The following SHANK2 variants were observed in gnomAD, a reference collection of about 807,000 sequenced individuals.
SHANK2 encodes SH3 and multiple ankyrin repeat domains 2, also known as SH3 and multiple ankyrin repeat domains protein 2.
A neutral mutation model predicts 133.7 loss-of-function variants in SHANK2; 43 were observed. The observed-to-expected ratio is 0.32, with a 90% CI of 0.25 to 0.41. The LOEUF is 0.41. SHANK2 is among the 10% of genes least tolerant of loss of function. The pLI, the probability that SHANK2 is intolerant of heterozygous loss-of-function variation, is 1.00. For missense variants in SHANK2, 1,994 were observed against 2,235.8 expected (o/e 0.89, Z 2.18); for synonymous variants, 1,017 against 952.8 (o/e 1.07, Z -1.24).
chr11:70,712,665 C>A (rs1945815410), intron 14 of SHANK2, among the ~76,000 whole-genome samples: 3 of 152,252 alleles, frequency 2.0e-5, no homozygotes, highest in African/African-American at 7.2e-5. Flanking sequence ...CCTGGAGACT[C>A]CTCCTGCAAT....
At chr11:70,708,818 C>T (rs532134016) in intron 14 of SHANK2, among the ~76,000 whole-genome samples, 23 of 152,294 alleles carry the variant, frequency 1.5e-4, no homozygotes, top group African/African-American at 4.8e-4. Context: ...ACAGATGCCA[C>T]GGGAGAGTGG....
chr11:70,915,800 G>A (rs782454798), intron 10 of SHANK2, among the ~76,000 whole-genome samples: 24 of 152,196 alleles, frequency 1.6e-4, no homozygotes, highest in Admixed American at 3.9e-4. Context: ...AGAAAGATGC[G>A]TTGCTCAGTC....
chr11:70,658,248 C>G (rs868971350), intron 17 of SHANK2, among the ~76,000 whole-genome samples: 45 of 117,886 alleles, frequency 3.8e-4, no homozygotes, highest in Middle Eastern at 8.0e-3. Flanking sequence ...CACACACAGA[C>G]ACACACACAC....
At position 71,118,472 on chromosome 11, in the gene SHANK2, C is replaced by G. The variant is rs575722025; in HGVS notation, c.411+357G>C. On this transcript the variant is annotated intron_variant, in intron 4 of 25. Coordinates refer to ENST00000601538, the MANE Select transcript of SHANK2 (RefSeq NM_012309.5). The stretch of plus-strand genomic sequence containing the variant: ...CTTCACAAGGCAGCAGGAGAGAGAA[C>G]AGCAAAGGAGGAACTTCCAGACACT... Among the ~76,000 whole-genome samples, 43 of 152,246 alleles carry G rather than the reference C, an allele frequency of 2.8e-4. 1 individual carries two copies. Among genetic ancestry groups the G allele is most frequent in the African/African-American group, 9.4e-4 (39 of 41,540 alleles).
At chr11:70,705,019 C>T (rs1198570280) in intron 14 of SHANK2, 1 of 152,184 alleles carries the variant, frequency 6.6e-6, no homozygotes, top group African/African-American at 2.4e-5. Context: ...GGCATGGCCA[C>T]CAAAACATTT....
At chr11:71,055,937 T>C (rs1950912628) in intron 10 of SHANK2, among the ~76,000 whole-genome samples, 1 of 151,708 alleles carries the variant, frequency 6.6e-6, no homozygotes, top group Admixed American at 6.6e-5. Context: ...CACTTTAAAA[T>C]GGTTCAAATG....
At chr11:70,950,194 G>C (rs1555086233) in intron 10 of SHANK2, 1 of 453,250 alleles carries the variant, frequency 2.2e-6, no homozygotes, top group Non-Finnish European at 4.4e-6. Context: ...GAGTAGCTGG[G>C]ATTACAGGAT....
At chr11:70,698,002 G>C (rs1363379904) in intron 15 of SHANK2, 2 of 152,620 alleles carry the variant, frequency 1.3e-5, no homozygotes, top group Admixed American at 6.5e-5. Context: ...GGGCCAGCAG[G>C]ACACCTCCCC....
Position 70,472,208 on chromosome 11 carries a change from C to T in SHANK2, c.*661G>A, listed in dbSNP as rs571281410. 6.5e-6 allele frequency: 1 copy of T among 153,674 alleles called. No individual in the cohort carries two copies. Among genetic ancestry groups the T allele is most frequent in the East Asian group, 1.9e-4 (1 of 5,200 alleles). 9.5% of individuals were successfully genotyped at this position (153,674 alleles called of 1,614,324 possible). ...AAAGCTGGGCACGATCCCATCCAAA[C>T]TCCCAGCACTGCCAGGAACCTCATG... On this transcript the variant is annotated 3_prime_UTR_variant, in exon 26 of 26. Coordinates refer to ENST00000601538, the MANE Select transcript of SHANK2 (RefSeq NM_012309.5). This position sits in a 1 kb window ranked among gnomAD's most constrained non-coding sequence, Gnocchi z 4.4.
intron 5 of SHANK2, among the ~76,000 whole-genome samples, chr11:71,112,131 C>T (rs995166091): frequency 6.6e-6 from 1 of 152,220 alleles, no homozygotes; most frequent in African/African-American, 2.4e-5. Flanking sequence ...CAGTGGCTCA[C>T]GCCTGTAATC....
intron 14 of SHANK2, among the ~76,000 whole-genome samples, chr11:70,757,656 T>G (rs1260395495): frequency 3.9e-5 from 6 of 152,194 alleles, no homozygotes; most frequent in Non-Finnish European, 8.8e-5. Context: ...CTGTGTCCCC[T>G]CAAGGAGAGA....
intron 17 of SHANK2, among the ~76,000 whole-genome samples, chr11:70,588,768 C>T (rs186594744): frequency 6.6e-6 from 1 of 152,336 alleles, no homozygotes; most frequent in Non-Finnish European, 1.5e-5. Flanking sequence ...ATCTAGTTAA[C>T]TTCATTGATG....
chr11:70,874,251 T>C (rs1949518614), intron 11 of SHANK2, among the ~76,000 whole-genome samples: 1 of 151,574 alleles, frequency 6.6e-6, no homozygotes, highest in Non-Finnish European at 1.5e-5. Flanking sequence ...CAGCTATCCC[T>C]CTAATCTAAT....
intron 11 of SHANK2, chr11:70,863,507 A>G (rs1277057663): frequency 4.4e-6 from 2 of 457,378 alleles, no homozygotes; most frequent in Admixed American, 2.4e-5. Flanking sequence ...TATCTCTAGG[A>G]CTCGCCCACC....
intron 17 of SHANK2, among the ~76,000 whole-genome samples, chr11:70,517,038 A>T (rs2059274820): frequency 6.6e-6 from 1 of 152,166 alleles, no homozygotes; most frequent in African/African-American, 2.4e-5. Flanking sequence ...GTGCCACTGC[A>T]CTCCAGCCTG....
intron 10 of SHANK2, among the ~76,000 whole-genome samples, chr11:70,939,069 G>A (rs1422197948): frequency 1.3e-5 from 2 of 152,108 alleles, no homozygotes; most frequent in African/African-American, 4.8e-5. Flanking sequence ...TCCAAAGGGA[G>A]ATGACAGACC....
intron 9 of SHANK2, among the ~76,000 whole-genome samples, chr11:71,062,996 CAAAAAAAA>C (rs1169050698): frequency 4.3e-5 from 3 of 69,722 alleles, no homozygotes; most frequent in African/African-American, 5.5e-5. Flanking sequence ...GACCCTGTCT[CAAAAAAAA>C]AAAAAAAAAA....
At chr11:71,119,101 G>T in intron 3 of SHANK2, 69 bp from the exon 4 acceptor site, 1 of 1,419,510 alleles carries the variant, frequency 7.0e-7, no homozygotes, top group Non-Finnish European at 9.6e-7. Context: ...TGTGGGGCGC[G>T]TGGTCAGAGA....
intron 15 of SHANK2, among the ~76,000 whole-genome samples, chr11:70,693,303 C>T (rs1193391658): frequency 6.6e-6 from 1 of 152,226 alleles, no homozygotes; most frequent in Admixed American, 6.5e-5. Context: ...CAACTCTTTT[C>T]ATGAAGCACG....
Sources: allele counts gnomAD v4.1 joint callset (sites outside exome capture counted in the v4.1 genomes callset), GRCh38; gene constraint gnomAD v4.1.1; non-coding constraint Gnocchi (gnomAD v3.1); transcripts MANE v1.5; gene names NCBI Gene and HGNC (gene_info 2026-07-23, HGNC 2026-07-21).